TBC1D8B: variants seen among roughly 807,000 people sequenced by gnomAD.
The protein encoded by TBC1D8B is TBC1 domain family member 8B, also known as RP11-321G1.1.
TBC1D8B carries 75 observed loss-of-function variants against 82.9 expected under a neutral mutation model. The ratio of observed to expected loss-of-function variants is 0.90; its 90% CI spans 0.75 to 1.10. The LOEUF is 1.10. Ranked by LOEUF, TBC1D8B falls within the 50% of genes least tolerant of loss-of-function variation. The pLI is 0.00. For synonymous variants in TBC1D8B, 276 were observed against 276.8 expected (o/e 1.00, Z 0.03); for missense variants, 794 against 796.9 (o/e 1.00, Z 0.04).
chrX:106,805,011 C>A (rs192240904), intron 1 of TBC1D8B, among the ~76,000 whole-genome samples: 22 of 103,863 alleles, frequency 2.1e-4, no homozygotes, highest in African/African-American at 7.8e-4. Context: ...AAATCAAATT[C>A]TTGAAAATAT....
intron 1 of TBC1D8B, among the ~76,000 whole-genome samples, chrX:106,807,203 C>T (rs1002625822): frequency 2.1e-5 from 2 of 93,040 alleles, no homozygotes; most frequent in African/African-American, 1.1e-4. Flanking sequence ...GATCTACCCG[C>T]CCCCCCCCAT....
chrX:106,869,947 T>A (rs1449063182), intron 19 of TBC1D8B, among the ~76,000 whole-genome samples: 1 of 112,594 alleles, frequency 8.9e-6, no homozygotes, highest in East Asian at 2.8e-4. Flanking sequence ...ATGGACATCT[T>A]TTAATGTCAG....
chrX:106,807,309 A>C (rs1230342337), intron 1 of TBC1D8B, among the ~76,000 whole-genome samples: 1 of 110,188 alleles, frequency 9.1e-6, no homozygotes, highest in African/African-American at 3.3e-5. Flanking sequence ...GAGAGGGCAG[A>C]TCACGCTTTG....
rs757916573 is a variant in TBC1D8B, at chrX:106,865,790, TAGAA to T, written c.2423_2426del (p.Lys808SerfsTer15). Reference sequence around the variant, plus strand: ...ACTTTCCTTTTTTATTTATTTTTAATAGAAAGAGCTGTTTTTATCTTGTTATTGG... The same window carrying T: ...ACTTTCCTTTTTTATTTATTTTTAATAGAGCTGTTTTTATCTTGTTATTGG... On this transcript the variant is annotated splice_acceptor_variant and coding_sequence_variant, in exon 16 of 21. Coordinates refer to ENST00000357242, the MANE Select transcript of TBC1D8B (RefSeq NM_017752.3). LOFTEE classifies it high-confidence loss of function. 30 of 1,171,605 alleles carry T rather than the reference TAGAA, an allele frequency of 2.6e-5. No individual in the cohort carries two copies. Among genetic ancestry groups the T allele is most frequent in the Non-Finnish European group, 2.7e-5 (24 of 879,862 alleles).
intron 20 of TBC1D8B, among the ~76,000 whole-genome samples, chrX:106,871,716 A>G (rs1399853550): frequency 4.5e-5 from 5 of 112,104 alleles, no homozygotes; most frequent in Admixed American, 2.8e-4. Flanking sequence ...AGCCTCCTGA[A>G]CTTCTGGCTG....
intron 14 of TBC1D8B, among the ~76,000 whole-genome samples, chrX:106,855,956 G>A (rs956237706): frequency 9.0e-6 from 1 of 111,597 alleles, no homozygotes; most frequent in Non-Finnish European, 1.9e-5. Flanking sequence ...GGATCACCTT[G>A]AGCCTGGGAG....
intron 1 of TBC1D8B, among the ~76,000 whole-genome samples, chrX:106,818,206 C>T (rs1931595949): frequency 9.0e-6 from 1 of 111,209 alleles, no homozygotes; most frequent in South Asian, 3.7e-4. Context: ...CTCATTTAAT[C>T]TTTACAACAG....
chrX:106,872,613 T>C (rs751211820), intron 20 of TBC1D8B, among the ~76,000 whole-genome samples: 12 of 108,685 alleles, frequency 1.1e-4, no homozygotes, highest in Non-Finnish European at 2.1e-4. Context: ...TTTAACTATA[T>C]TTCTGTCCAG....
chrX:106,866,886 G>A (rs376129827), intron 17 of TBC1D8B, 24 bp downstream of exon 17: 47 of 1,070,880 alleles, frequency 4.4e-5, no homozygotes, highest in Non-Finnish European at 5.7e-5. Flanking sequence ...AGTCTTTAAC[G>A]ATGTACAGCA....
At position 106,874,762 on chromosome X, in the gene TBC1D8B, G is replaced by A. The variant is rs747488640; in HGVS notation, c.*797G>A. The stretch of plus-strand genomic sequence containing the variant: ...AACTGTATAGGTCTTTCATTAGACC[G>A]AGACATCACTAGAAATTCTGGGCAC... On this transcript the variant is annotated 3_prime_UTR_variant, in exon 21 of 21. Transcript: ENST00000357242. 1.8e-5 allele frequency: 2 copies of A among 111,899 alleles called. No individual in the cohort carries two copies. Among genetic ancestry groups the A allele is most frequent in the East Asian group, 2.8e-4 (1 of 3,591 alleles). 9.2% of individuals were successfully genotyped at this position (111,899 alleles called of 1,213,427 possible).
At chrX:106,816,104 A>G (rs1260638364) in intron 1 of TBC1D8B, among the ~76,000 whole-genome samples, 1 of 111,425 alleles carries the variant, frequency 9.0e-6, no homozygotes, top group Non-Finnish European at 1.9e-5. Flanking sequence ...TCAATTAGGA[A>G]AAGAGGAAGT....
rs1316818695 is a variant in TBC1D8B, at chrX:106,874,664, A to G, written c.*699A>G. The G allele has an allele frequency of 7.2e-5, 8 of 111,731 alleles. No homozygotes were observed. Among genetic ancestry groups the G allele is most frequent in the African/African-American group, 2.6e-4 (8 of 30,782 alleles). 9.2% of individuals were successfully genotyped at this position (111,731 alleles called of 1,213,427 possible). A position where few individuals can be genotyped will look rare whatever the true frequency, so the allele number is the denominator to read the frequency against. On this transcript the variant is annotated 3_prime_UTR_variant, in exon 21 of 21. Coordinates refer to ENST00000357242, the MANE Select transcript of TBC1D8B (RefSeq NM_017752.3). ...CTAAATTCTGGGCTGATATAAAGAAAAAAACAATATTGGATTTGGATTTAA... is the reference window on the plus strand; with the variant it reads ...CTAAATTCTGGGCTGATATAAAGAAGAAAACAATATTGGATTTGGATTTAA...
intron 5 of TBC1D8B, 105 bp downstream of exon 5, chrX:106,823,571 G>GT (rs968253956): frequency 1.2e-4 from 106 of 909,042 alleles, no homozygotes; most frequent in Admixed American, 2.0e-4. Context: ...ATATGATAGG[G>GT]TTTTTTTTGG....
chrX:106,836,770 G>T (rs1354164225), intron 7 of TBC1D8B, among the ~76,000 whole-genome samples: 1 of 111,533 alleles, frequency 9.0e-6, no homozygotes, highest in African/African-American at 3.3e-5. Flanking sequence ...GAAGACTCAT[G>T]CTTTCCAATT....
chrX:106,828,909 T>G (rs1397498305), intron 7 of TBC1D8B: 1 of 107,121 alleles, frequency 9.3e-6, no homozygotes, highest in Admixed American at 9.8e-5. Context: ...CTCTCACCAC[T>G]CCTATTCAAC....
intron 1 of TBC1D8B, among the ~76,000 whole-genome samples, chrX:106,813,493 T>C (rs190837071): frequency 8.9e-6 from 1 of 112,017 alleles, no homozygotes; most frequent in Non-Finnish European, 1.9e-5. Context: ...ACATTTCTGC[T>C]GCCAAAAAGT....
intron 14 of TBC1D8B, among the ~76,000 whole-genome samples, chrX:106,854,580 C>T (rs1159695137): frequency 9.0e-6 from 1 of 110,929 alleles, no homozygotes; most frequent in Non-Finnish European, 1.9e-5. Flanking sequence ...GTGGCATGAT[C>T]GCAGCTCACT....
chrX:106,830,733 G>A, intron 7 of TBC1D8B, among the ~76,000 whole-genome samples: 1 of 98,860 alleles, frequency 1.0e-5, no homozygotes, highest in Admixed American at 1.2e-4. Context: ...CTCATAGGTG[G>A]GAATTGAACT....
chrX:106,821,102 G>A (rs1348763823), intron 3 of TBC1D8B, 107 bp downstream of exon 3: 4 of 432,265 alleles, frequency 9.3e-6, no homozygotes, highest in African/African-American at 7.7e-5. Flanking sequence ...GCACCTTTCA[G>A]GATTGGTAGA....
Sources: gnomAD v4.1 joint callset for allele counts (sites outside exome capture counted in the v4.1 genomes callset) on GRCh38, gnomAD v4.1.1 for gene constraint, MANE v1.5 for transcripts, NCBI Gene and HGNC (gene_info 2026-07-23, HGNC 2026-07-21) for gene names.